Variants in CHUK observed in about 807,000 individuals in gnomAD.
CHUK encodes inhibitor of nuclear factor kappa-B kinase subunit alpha.
Under a neutral mutation model 104.8 loss-of-function variants are expected in CHUK, and 35 were observed. That is an observed-to-expected ratio of 0.33 (90% confidence interval 0.26 to 0.44). The LOEUF is 0.44. Among genes scored for constraint, CHUK ranks in the 20% least tolerant of loss-of-function variants. The probability of loss-of-function intolerance (pLI) is 1.00; values close to 1 mark genes in which losing one functional copy is unlikely to be tolerated. For missense variants in CHUK, 663 were observed against 902.7 expected, an observed-to-expected ratio of 0.73 and a Z score of 3.40; for synonymous variants, 276 against 291.9, an observed-to-expected ratio of 0.95 and a Z score of 0.56.
intron 20 of CHUK, chr10:100,190,494 T>C (rs1845171783): frequency 3.8e-6 from 1 of 265,282 alleles, no homozygotes; most frequent in South Asian, 4.4e-5. Flanking sequence ...ATTAACATAA[T>C]TTATTTTCTA....
Position 100,220,791 on chromosome 10 carries a change from T to C in CHUK, c.386-115A>G, listed in dbSNP as rs1845968585. Reference sequence around the variant, plus strand: ...ATGCTCAAGTTTATATGGATCATCGTAACTACACAACTAATACTACAGTGT... The same window carrying C: ...ATGCTCAAGTTTATATGGATCATCGCAACTACACAACTAATACTACAGTGT... On this transcript the variant is annotated intron_variant, in intron 4 of 20. Transcript: ENST00000370397. The C allele has an allele frequency of 1.1e-5, 8 of 701,630 alleles. No individual in the cohort carries two copies. In the Admixed American group the frequency reaches 1.7e-4, roughly 15 times the overall value. The allele number at this position is 701,630 out of a possible 1,614,324, so 43.5% of individuals were successfully genotyped here.
At chr10:100,208,874 G>C (rs1336768078) in intron 10 of CHUK, among the ~76,000 whole-genome samples, 2 of 151,652 alleles carry the variant, frequency 1.3e-5, no homozygotes, top group African/African-American at 4.8e-5. Flanking sequence ...GCCTTTCCCA[G>C]GCCTAAAAGC....
chr10:100,228,687 T>C (rs555825254), intron 1 of CHUK, among the ~76,000 whole-genome samples: 4 of 152,162 alleles, frequency 2.6e-5, no homozygotes, highest in South Asian at 4.2e-4. Flanking sequence ...GACCCAAATA[T>C]GATTTTTTAA....
At chr10:100,216,410 A>G (rs1314604247) in intron 9 of CHUK, among the ~76,000 whole-genome samples, 2 of 152,340 alleles carry the variant, frequency 1.3e-5, no homozygotes, top group East Asian at 3.9e-4. Context: ...TCTATTTAAT[A>G]AAGTATGCCA....
chr10:100,214,015 T>C (rs1455087948), intron 9 of CHUK, among the ~76,000 whole-genome samples: 1 of 152,164 alleles, frequency 6.6e-6, no homozygotes, highest in Non-Finnish European at 1.5e-5. Context: ...AATACAATTA[T>C]ACTACCTGAG....
In CHUK at chr10:100,190,892, C is replaced by T. The variant is rs769482746; in HGVS notation, c.2185G>A (p.Glu729Lys). ...HLSTIIHEANEEQGNSMMNLD... is the reference protein window; with the variant it reads ...HLSTIIHEANKEQGNSMMNLD... ...ACCATCATACTATTGCCCTGTTCCTCATTTGCCTCATGAATAATAGTGCTT... is the reference window on the plus strand; with the variant it reads ...ACCATCATACTATTGCCCTGTTCCTTATTTGCCTCATGAATAATAGTGCTT... The change falls in exon 20 of 21, where the codon GAG becomes AAG. Residue 729 changes from glutamate (E) to lysine (K), a missense_variant. Transcript: ENST00000370397. 1 of 1,609,332 alleles carries T rather than the reference C, an allele frequency of 6.2e-7. No homozygotes were observed. The highest frequency in any genetic ancestry group is 1.1e-5 in the South Asian group (1 of 90,980).
chr10:100,204,675 AAAAAAG>A lies in CHUK; in HGVS notation c.1356-24_1356-19del, dbSNP rs1158063161. 2 of 1,576,432 alleles carry A rather than the reference AAAAAAG, an allele frequency of 1.3e-6. No homozygotes were observed. ...GACTTAACCTAAACCACAGCAAGAA[AAAAAAG>A]AAAAAGAAAAAAGATATTATCAGCA... On this transcript the variant is annotated intron_variant, in intron 12 of 20. Coordinates refer to ENST00000370397, the MANE Select transcript of CHUK (RefSeq NM_001278.5).
chr10:100,191,005 G>A (rs1026154333), intron 19 of CHUK, 37 bp from the exon 20 acceptor site: 2 of 1,220,764 alleles, frequency 1.6e-6, no homozygotes, highest in Admixed American at 1.7e-5. Context: ...TCAAACTCAG[G>A]AAAAGGGCAT....
Position 100,219,116 on chromosome 10 carries a change from T to C in CHUK, c.581A>G (p.Glu194Gly). 6.2e-7 allele frequency: 1 copy of C among 1,613,776 alleles called. No homozygotes were observed. The highest frequency in any genetic ancestry group is 8.5e-7 in the Non-Finnish European group (1 of 1,179,716). Residue 194 changes from glutamate to glycine, a missense_variant, in exon 7 of 21, where the codon GAG becomes GGG. Around this residue, in one of 5 missense-constraint regions of CHUK, gnomAD observed 200 missense variants for 333.0 expected, o/e 0.60. Transcript: ENST00000370397. ...AACAGTGGCTGTGTAAGGCTTATTC[T>C]CAAAGAGCTCTGGGGCCTTCAAAAG... ...TLQYLAPELF[E>G]NKPYTATVDY...
At chr10:100,201,291 C>T (rs964044076) in intron 14 of CHUK, among the ~76,000 whole-genome samples, 2 of 152,016 alleles carry the variant, frequency 1.3e-5, no homozygotes, top group Non-Finnish European at 2.9e-5. Flanking sequence ...GACAAATGTA[C>T]AGGATAAGGG....
chr10:100,193,181 G>A (rs1367037257), intron 19 of CHUK, 117 bp downstream of exon 19: 3 of 1,095,566 alleles, frequency 2.7e-6, no homozygotes, highest in Non-Finnish European at 2.8e-6. Flanking sequence ...ATTACAAAGG[G>A]ATAGTCAGGA....
intron 2 of CHUK, among the ~76,000 whole-genome samples, chr10:100,223,499 G>A (rs540336558): frequency 1.3e-5 from 2 of 152,208 alleles, no homozygotes; most frequent in South Asian, 4.1e-4. Flanking sequence ...TTAGCCGGGT[G>A]TGGTGGCGCA....
At position 100,225,978 on chromosome 10, in the gene CHUK, C is replaced by T. The variant is rs1277680516; in HGVS notation, c.145G>A (p.Glu49Lys). 2 of 1,610,134 alleles carry T rather than the reference C, an allele frequency of 1.2e-6. No individual in the cohort carries two copies. Among genetic ancestry groups the T allele is most frequent in the African/African-American group, 2.7e-5 (2 of 74,678 alleles). Reference sequence around the variant, plus strand: ...CGTTCTCTGTTTTTGGTACTTAGCTCTAGGCGACAAGACTTAATTGCTATT... The same window carrying T: ...CGTTCTCTGTTTTTGGTACTTAGCTTTAGGCGACAAGACTTAATTGCTATT... The part of the protein sequence containing the change: ...LKIAIKSCRL[E>K]LSTKNRERWC... Residue 49 changes from glutamate (E) to lysine (K), a missense_variant, in exon 2 of 21, where the codon GAG (glutamate) becomes AAG (lysine). Transcript: ENST00000370397.
chr10:100,188,615 CTCA>C lies in CHUK; in HGVS notation c.*980_*982del, dbSNP rs1417159399. 4 of 152,566 alleles carry C rather than the reference CTCA, an allele frequency of 2.6e-5. No individual in the cohort carries two copies. Among genetic ancestry groups the C allele is most frequent in the Admixed American group, 6.5e-5 (1 of 15,284 alleles). The allele number at this position is 152,566 out of a possible 1,614,324, so 9.5% of individuals were successfully genotyped here. ...ACAGTCTGTGGCAGCAGCCCTCCCT[CTCA>C]TCATCAAGCAGCAAAATAAAGGAAT... On this transcript the variant is annotated 3_prime_UTR_variant, in exon 21 of 21. Coordinates refer to ENST00000370397, the MANE Select transcript of CHUK (RefSeq NM_001278.5).
At chr10:100,217,252 TAA>T (rs60186341) in intron 9 of CHUK, among the ~76,000 whole-genome samples, 3,804 of 125,186 alleles carry the variant, frequency 0.03, 61 homozygotes, top group Middle Eastern at 0.056. Context: ...CTTGACTTGT[TAA>T]AAAAAAAAAA....
At chr10:100,208,332 C>T (rs901298049) in intron 10 of CHUK, among the ~76,000 whole-genome samples, 1 of 152,178 alleles carries the variant, frequency 6.6e-6, no homozygotes, top group Non-Finnish European at 1.5e-5. Flanking sequence ...GTCTCGAACT[C>T]TTGAACTCAG....
Position 100,205,212 on chromosome 10 carries a change from A to T in CHUK, c.1232-13T>A. 5.0e-6 allele frequency: 8 copies of T among 1,613,820 alleles called. No homozygotes were observed. Among genetic ancestry groups the T allele is most frequent in the Non-Finnish European group, 6.8e-6 (8 of 1,179,686 alleles). ...TTGCTGTCCTGTACTATATACAAGA[A>T]GATGAGAAAAAGGGCAAGGGAGGTT... On this transcript the variant is annotated splice_polypyrimidine_tract_variant and intron_variant, in intron 11 of 20. Transcript: ENST00000370397.
chr10:100,219,516 T>A (rs1447885531), intron 5 of CHUK, among the ~76,000 whole-genome samples, 157 bp from the exon 6 acceptor site: 1 of 152,212 alleles, frequency 6.6e-6, no homozygotes, highest in African/African-American at 2.4e-5. Context: ...ACCACTTAAC[T>A]AGGCATGTGA....
chr10:100,204,639 A>G lies in CHUK; in HGVS notation c.1374T>C (p.Tyr458=). 6.2e-7 allele frequency: 1 copy of G among 1,610,538 alleles called. No individual in the cohort carries two copies. Among genetic ancestry groups the G allele is most frequent in the South Asian group, 1.1e-5 (1 of 91,016 alleles). ...QRAAMLSLLR[Y]NANLTKMKNT... is the part of the protein sequence containing the mutation. ...TCTTCATTTTTGTTAAGTTAGCATT[A>G]TATCTAAGAAGACTTAACCTAAACC... Residue 458 remains tyrosine (Y), a synonymous_variant, in exon 13 of 21, where the codon TAT becomes TAC. Coordinates refer to ENST00000370397, the MANE Select transcript of CHUK (RefSeq NM_001278.5).
Sources: allele counts gnomAD v4.1 joint callset (sites outside exome capture counted in the v4.1 genomes callset), GRCh38; gene constraint gnomAD v4.1.1; regional missense constraint gnomAD v4.1.1; transcripts MANE v1.5; gene names NCBI Gene and HGNC (gene_info 2026-07-23, HGNC 2026-07-21).